The following TP53BP2 variants were observed in gnomAD, a reference collection of about 807,000 sequenced individuals.
TP53BP2 encodes the protein apoptosis-stimulating of p53 protein 2.
A neutral mutation model predicts 126.2 loss-of-function variants in TP53BP2; 62 were observed. That is an observed-to-expected ratio of 0.49 (90% CI 0.40 to 0.61). TP53BP2 has a LOEUF of 0.61. Among genes scored for constraint, TP53BP2 ranks in the 20% least tolerant of loss-of-function variants. TP53BP2 has a pLI of 0.00. For missense variants in TP53BP2, 1,215 were observed against 1,402.8 expected (o/e 0.87, Z 2.14); for synonymous variants, 485 against 502.9 (o/e 0.96, Z 0.48).
intron 11 of TP53BP2, among the ~76,000 whole-genome samples, 184 bp from the exon 12 acceptor site, chr1:223,798,861 A>G (rs2102848673): frequency 6.6e-6 from 1 of 151,916 alleles, no homozygotes; most frequent in Non-Finnish European, 1.5e-5. Context: ...CACGAGGTCA[A>G]GAGTTCGAGA....
At chr1:223,808,876 A>G (rs1662816505) in intron 4 of TP53BP2, among the ~76,000 whole-genome samples, 1 of 152,142 alleles carries the variant, frequency 6.6e-6, no homozygotes, top group Non-Finnish European at 1.5e-5. Flanking sequence ...GTCCAAAATC[A>G]TTAGTCATTA....
chr1:223,809,064 T>A (rs1018826249), intron 4 of TP53BP2, among the ~76,000 whole-genome samples: 1 of 152,002 alleles, frequency 6.6e-6, no homozygotes, highest in South Asian at 2.1e-4. Context: ...AAAATATATA[T>A]ATAAAGATAT....
chr1:223,804,861 A>G (rs1662662094), intron 5 of TP53BP2, among the ~76,000 whole-genome samples: 1 of 152,236 alleles, frequency 6.6e-6, no homozygotes. Context: ...CAATGTTACT[A>G]TAGTGAAGAT....
chr1:223,792,961 C>T (rs543483528), intron 14 of TP53BP2, among the ~76,000 whole-genome samples: 3 of 151,524 alleles, frequency 2.0e-5, no homozygotes, highest in Non-Finnish European at 4.4e-5. Flanking sequence ...CAAATCCATA[C>T]ATGAACAATT....
intron 6 of TP53BP2, among the ~76,000 whole-genome samples, chr1:223,803,938 C>T (rs940237375): frequency 3.9e-5 from 6 of 152,148 alleles, no homozygotes; most frequent in Non-Finnish European, 1.5e-5. Context: ...TTCAGAGGAA[C>T]CTGCAGCATC....
At chr1:223,833,469 A>G (rs192173148) in intron 1 of TP53BP2, among the ~76,000 whole-genome samples, 36 of 152,370 alleles carry the variant, frequency 2.4e-4, no homozygotes, top group Middle Eastern at 3.4e-3. Context: ...CATCCATTCA[A>G]TATCATCTGG....
In TP53BP2 at chr1:223,804,285, C is replaced by T. The variant is rs1662638084; in HGVS notation, c.538G>A (p.Glu180Lys). ...QRQQQQVAEQ[E>K]KLKRLKEIAE... ...ATTTCTTTTAGCCTTTTAAGTTTCTCCTGCTCAGCAACTTGTTGCTGTTGT... is the reference window on the plus strand; with the variant it reads ...ATTTCTTTTAGCCTTTTAAGTTTCTTCTGCTCAGCAACTTGTTGCTGTTGT... The change falls in exon 6 of 18, where the codon GAG becomes AAG. Residue 180 changes from glutamate to lysine, a missense_variant. Glu to Lys is a moderately conservative substitution (Grantham distance 56). Transcript: ENST00000343537. 6.2e-7 allele frequency: 1 copy of T among 1,614,068 alleles called. No homozygotes were observed. Among genetic ancestry groups the T allele is most frequent in the African/African-American group, 1.3e-5 (1 of 75,040 alleles).
In TP53BP2 at chr1:223,845,698, C is replaced by A. The variant is rs769520898; in HGVS notation, c.-18G>T. ...AACCGCATGGAAGCGGGTGGCCAGA[C>A]TGCGGCCCCGGCCGAGCTGAGGTGC... is the stretch of plus-strand genomic sequence containing the variant. On this transcript the variant is annotated 5_prime_UTR_variant, in exon 1 of 18. Coordinates refer to ENST00000343537, the MANE Select transcript of TP53BP2 (RefSeq NM_001031685.3). 1 of 1,538,498 alleles carries A rather than the reference C, an allele frequency of 6.5e-7. No homozygotes were observed. Among genetic ancestry groups the A allele is most frequent in the South Asian group, 1.2e-5 (1 of 83,864 alleles).
chr1:223,843,730 A>G (rs1664179264), intron 1 of TP53BP2, among the ~76,000 whole-genome samples: 1 of 152,252 alleles, frequency 6.6e-6, no homozygotes, highest in African/African-American at 2.4e-5. Context: ...CAATGTAACA[A>G]AATTACATTT....
chr1:223,844,830 G>A (rs1308312264), intron 1 of TP53BP2, among the ~76,000 whole-genome samples: 1 of 152,210 alleles, frequency 6.6e-6, no homozygotes, highest in Non-Finnish European at 1.5e-5. Context: ...CACAAGCATA[G>A]GATGCCTGCA....
At chr1:223,804,951 T>TA (rs1231769770) in intron 5 of TP53BP2, among the ~76,000 whole-genome samples, 6 of 152,218 alleles carry the variant, frequency 3.9e-5, no homozygotes, top group African/African-American at 1.4e-4. Flanking sequence ...TGAAAAGAGC[T>TA]AAAGAAATAT....
At chr1:223,803,490 A>G (rs769201690) in intron 6 of TP53BP2, 38 bp from the exon 7 acceptor site, 2 of 1,542,670 alleles carry the variant, frequency 1.3e-6, no homozygotes, top group South Asian at 1.2e-5. Context: ...AGTTGAAAAG[A>G]AAAATAAGAA....
chr1:223,812,619 G>A (rs1471867933), intron 3 of TP53BP2, among the ~76,000 whole-genome samples: 1 of 152,066 alleles, frequency 6.6e-6, no homozygotes, highest in African/African-American at 2.4e-5. Flanking sequence ...GCAGTGCGTG[G>A]TGCCATCTCG....
In TP53BP2 at chr1:223,789,377, G is replaced by A. The variant is rs552489185; in HGVS notation, c.2997-203C>T. On this transcript the variant is annotated intron_variant, in intron 15 of 17. Coordinates refer to ENST00000343537, the MANE Select transcript of TP53BP2 (RefSeq NM_001031685.3). ...CAGCCACAAATGAAAATTTCAGAGA[G>A]TCATGGACCACAATGGGGCTGGGAG... 2.2e-4 allele frequency among the ~76,000 whole-genome samples: 33 copies of A among 152,310 alleles called. 1 individual carries two copies. The highest frequency in any genetic ancestry group is 3.4e-3 in the Middle Eastern group (1 of 294).
rs931546328 is a variant in TP53BP2 at position 223,795,017 on chromosome 1, A to C, written c.2724+798T>G. On this transcript the variant is annotated intron_variant, in intron 13 of 17. Transcript: ENST00000343537. ...TACTTCCTTCCGTGCTTACTGAAGC[A>C]AAGTGGCTTCAAATTAAACTATGAA... 2.0e-5 allele frequency among the ~76,000 whole-genome samples: 3 copies of C among 152,350 alleles called. No individual in the cohort carries two copies. In the South Asian group the frequency reaches 6.2e-4, roughly 32 times the overall value.
intron 17 of TP53BP2, among the ~76,000 whole-genome samples, chr1:223,783,517 C>G (rs1661841863): frequency 6.6e-6 from 1 of 152,172 alleles, no homozygotes; most frequent in Admixed American, 6.5e-5. Context: ...CACACAACTG[C>G]TATAAGAGAA....
intron 2 of TP53BP2, among the ~76,000 whole-genome samples, chr1:223,814,636 T>C (rs1222127): frequency 0.31 from 47,832 of 152,100 alleles, 11,168 homozygotes; most frequent in African/African-American, 0.66. Context: ...TGGCCACAGG[T>C]GCACCATTTA....
At chr1:223,837,292 A>G (rs774226574) in intron 1 of TP53BP2, among the ~76,000 whole-genome samples, 1 of 151,870 alleles carries the variant, frequency 6.6e-6, no homozygotes, top group Admixed American at 6.6e-5. Context: ...AACCTGATAC[A>G]CCCTACTCAG....
chr1:223,804,185 T>C lies in TP53BP2; in HGVS notation c.638A>G (p.Asn213Ser), dbSNP rs751003949. 1.9e-6 allele frequency: 3 copies of C among 1,597,652 alleles called. No individual in the cohort carries two copies. Among genetic ancestry groups the C allele is most frequent in the African/African-American group, 1.4e-5 (1 of 73,492 alleles). Reference sequence around the variant, plus strand: ...GAGGAACAACTCACCAAGTTTCCCATTGCTTAGTCTCTTCTGTTCCACGTG... The same window carrying C: ...GAGGAACAACTCACCAAGTTTCCCACTGCTTAGTCTCTTCTGTTCCACGTG... ...KGHVEQKRLSNGKLVEEIEQM... is the reference protein window; with the variant it reads ...KGHVEQKRLSSGKLVEEIEQM... The change falls in exon 6 of 18, where the codon AAT becomes AGT. Residue 213 changes from asparagine (N) to serine (S), a missense_variant. Coordinates refer to ENST00000343537, the MANE Select transcript of TP53BP2 (RefSeq NM_001031685.3).
Sources: gnomAD v4.1 joint callset for allele counts (sites outside exome capture counted in the v4.1 genomes callset) on GRCh38, gnomAD v4.1.1 for gene constraint, MANE v1.5 for transcripts, NCBI Gene and HGNC (gene_info 2026-07-23, HGNC 2026-07-21) for gene names.